Variants in IL12RB1 observed in about 807,000 individuals in gnomAD.
IL12RB1 encodes interleukin-12 receptor subunit beta-1.
In IL12RB1, 64 loss-of-function variants were observed where a neutral mutation model predicts 94.4. The observed-to-expected ratio is 0.68, with a 90% CI of 0.55 to 0.83. The LOEUF is 0.83. IL12RB1 is among the 40% of genes least tolerant of loss of function. IL12RB1 has a pLI of 0.00. For synonymous variants in IL12RB1, 362 were observed against 355.5 expected, an observed-to-expected ratio of 1.02 and a Z score of -0.21; for missense variants, 814 against 855.6, an observed-to-expected ratio of 0.95 and a Z score of 0.61.
chr19:18,074,115 G>A lies in IL12RB1; in HGVS notation c.701-516C>T, dbSNP rs115156679. The stretch of plus-strand genomic sequence containing the variant: ...TGGAATTATAGGCGTGAGCCACTGC[G>A]CCTGGCCTCTAAGTTCCTTTTTGAA... On this transcript the variant is annotated intron_variant, in intron 7 of 16. Coordinates refer to ENST00000593993, the MANE Select transcript of IL12RB1 (RefSeq NM_005535.3). Among the ~76,000 whole-genome samples, 570 of 152,288 alleles carry A rather than the reference G, an allele frequency of 3.7e-3. 3 individuals carry two copies. The highest frequency in any genetic ancestry group is 0.012 in the African/African-American group (512 of 41,558).
upstream of IL12RB1, among the ~76,000 whole-genome samples, chr19:18,090,081 G>C (rs544906541): frequency 1.2e-4 from 18 of 152,318 alleles, no homozygotes; most frequent in South Asian, 3.7e-3. Context: ...GATGGAGGAG[G>C]CCAGGCAGGG....
At chr19:18,081,654 C>G (rs1408397828) in intron 3 of IL12RB1, among the ~76,000 whole-genome samples, 6 of 151,678 alleles carry the variant, frequency 4.0e-5, no homozygotes, top group Non-Finnish European at 8.8e-5. Flanking sequence ...GACTCTGTCT[C>G]TACTAAAAAT....
rs767059104 is a variant in IL12RB1 at position 18,069,590 on chromosome 19, G to C, written c.1145C>G (p.Thr382Ser). The C allele has an allele frequency of 1.2e-6, 2 of 1,612,346 alleles. No homozygotes were observed. The highest frequency in any genetic ancestry group is 1.3e-5 in the African/African-American group (1 of 75,052). ...GTCTTGCGGCGCAGTCAGGCTGCAGGTGGCAAGGCCCCCGTCCTGGCCCAC... is the reference window on the plus strand; with the variant it reads ...GTCTTGCGGCGCAGTCAGGCTGCAGCTGGCAAGGCCCCCGTCCTGGCCCAC... ...QPVGQDGGLA[T>S]CSLTAPQDPD... is the part of the protein sequence containing the mutation. Residue 382 changes from threonine to serine, a missense_variant, in exon 10 of 17, where the codon ACC becomes AGC. By Grantham distance (58) the Thr-to-Ser change is moderately conservative. Transcript: ENST00000593993.
chr19:18,063,425 T>G (rs540793114), intron 13 of IL12RB1, among the ~76,000 whole-genome samples: 31 of 151,986 alleles, frequency 2.0e-4, no homozygotes, highest in African/African-American at 7.2e-4. Flanking sequence ...ATTTTTGCAT[T>G]CATTTATTTG....
Position 18,063,916 on chromosome 19 carries a change from C to T in IL12RB1, c.1578G>A (p.Trp526Ter), listed in dbSNP as rs1475867538. The stretch of plus-strand genomic sequence containing the variant: ...GGGGCTGGCTCCAGACACCCCTCAG[C>T]CACGCTGTGTCTGCTCGCACCTGCA... ...YTVQVRADTA[W>*]LRGVWSQPQR... Residue 526 changes from tryptophan to a stop codon, truncating the protein, a stop_gained, in exon 13 of 17, where the codon TGG becomes TGA. Transcript: ENST00000593993. LOFTEE classifies it high-confidence loss of function. The T allele has an allele frequency of 6.2e-7, 1 of 1,613,462 alleles. No individual in the cohort carries two copies. The highest frequency in any genetic ancestry group is 8.5e-7 in the Non-Finnish European group (1 of 1,179,654).
intron 13 of IL12RB1, among the ~76,000 whole-genome samples, chr19:18,063,613 G>C (rs181613097): frequency 5.0e-4 from 76 of 152,274 alleles, no homozygotes; most frequent in African/African-American, 1.8e-3. Flanking sequence ...GCTGAGTTTT[G>C]AAGGACGAAT....
intron 1 of IL12RB1, among the ~76,000 whole-genome samples, chr19:18,092,742 G>A (rs1007846468): frequency 1.5e-4 from 22 of 149,206 alleles, no homozygotes; most frequent in Non-Finnish European, 1.5e-4. Flanking sequence ...GGTCTCAAGG[G>A]ATCCTCCCAC....
At chr19:18,067,350 A>C (rs958577911) in intron 11 of IL12RB1, among the ~76,000 whole-genome samples, 2 of 146,534 alleles carry the variant, frequency 1.4e-5, no homozygotes, top group Non-Finnish European at 3.0e-5. Flanking sequence ...AAAAAAAAAA[A>C]GGAGTGCTGG....
chr19:18,083,288 C>A (rs1479799203), intron 2 of IL12RB1, 144 bp downstream of exon 2: 10 of 803,120 alleles, frequency 1.2e-5, no homozygotes, highest in Non-Finnish European at 2.2e-5. Context: ...AATGGGCCAG[C>A]AGGTGGTGGG....
intron 1 of IL12RB1, among the ~76,000 whole-genome samples, chr19:18,094,597 C>G (rs1291711371): frequency 6.6e-6 from 1 of 152,184 alleles, no homozygotes; most frequent in East Asian, 1.9e-4. Context: ...GGCGCAGTGG[C>G]TCATGCCTGT....
chr19:18,088,955 T>G (rs2036510566), upstream of IL12RB1, among the ~76,000 whole-genome samples: 1 of 148,818 alleles, frequency 6.7e-6, no homozygotes, highest in African/African-American at 2.5e-5. Context: ...TACTTGAACC[T>G]GGGAGGTAGA....
At chr19:18,061,235 T>A in intron 14 of IL12RB1, 38 bp from the exon 15 acceptor site, 1 of 921,438 alleles carries the variant, frequency 1.1e-6, no homozygotes, top group Non-Finnish European at 1.5e-6. Flanking sequence ...GAGCTGAGGT[T>A]TTTTTTTTTT....
At position 18,082,142 on chromosome 19, in the gene IL12RB1, G is replaced by A. The variant is rs764666244; in HGVS notation, c.239+8C>T. On this transcript the variant is annotated splice_region_variant and intron_variant, in intron 3 of 16. Transcript: ENST00000593993. ...GTGAGGGTTTGGGAATGGTAGAGGG[G>A]TCCTCACCAACACCGCAGGAAGTGG... The A allele has an allele frequency of 7.7e-6, 12 of 1,549,102 alleles. No homozygotes were observed. Among genetic ancestry groups the A allele is most frequent in the Non-Finnish European group, 1.1e-5 (12 of 1,121,132 alleles).
At chr19:18,078,109 T>TA (rs1308776312) in intron 4 of IL12RB1, among the ~76,000 whole-genome samples, 2 of 151,988 alleles carry the variant, frequency 1.3e-5, no homozygotes, top group Non-Finnish European at 2.9e-5. Context: ...AACTTGTCTC[T>TA]AAAAAAACAA....
intron 1 of IL12RB1, among the ~76,000 whole-genome samples, chr19:18,084,546 C>CA (rs1372591528): frequency 6.6e-6 from 1 of 151,924 alleles, no homozygotes; most frequent in Non-Finnish European, 1.5e-5. Context: ...TCCATTCACC[C>CA]AACCATCCAT....
At chr19:18,098,787 C>T (rs2037266645) in exon 1 of IL12RB1, 1 of 456,580 alleles carries the variant, frequency 2.2e-6, no homozygotes, top group African/African-American at 2.0e-5. Flanking sequence ...CTGCTGTGTG[C>T]CTGGCTCTGG....
At chr19:18,068,691 C>T (rs993035904) in intron 10 of IL12RB1, among the ~76,000 whole-genome samples, 165 bp from the exon 11 acceptor site, 1 of 151,598 alleles carries the variant, frequency 6.6e-6, no homozygotes, top group African/African-American at 2.4e-5. Flanking sequence ...CTATGCAACA[C>T]CCCCAACCCC....
At chr19:18,086,947 A>C (rs748934372), upstream of IL12RB1, 1 of 1,545,366 alleles carries the variant, frequency 6.5e-7, no homozygotes, top group South Asian at 1.2e-5. Context: ...AAAAAAAGAA[A>C]AAAGAAAAAA....
intron 3 of IL12RB1, 111 bp from the exon 4 acceptor site, chr19:18,081,112 T>C: frequency 1.0e-6 from 1 of 997,508 alleles, no homozygotes; most frequent in Non-Finnish European, 1.5e-6. Context: ...TTTGTTTGTT[T>C]GGAGATGGAG....
Sources: gnomAD v4.1 joint callset for allele counts (sites outside exome capture counted in the v4.1 genomes callset) on GRCh38, gnomAD v4.1.1 for gene constraint, MANE v1.5 for transcripts, NCBI Gene and HGNC (gene_info 2026-07-23, HGNC 2026-07-21) for gene names.